Variants in CLVS1 observed in about 807,000 individuals in gnomAD.
The protein encoded by CLVS1 is clavesin-1.
CLVS1 carries 10 observed loss-of-function variants against 33.1 expected under a neutral mutation model. The ratio of observed to expected loss-of-function variants is 0.30; its 90% CI spans 0.19 to 0.51. CLVS1 has a LOEUF of 0.51. Ranked by LOEUF, CLVS1 falls within the 20% of genes least tolerant of loss-of-function variation. The pLI is 0.97. For missense variants in CLVS1, 343 were observed against 433.4 expected, an observed-to-expected ratio of 0.79 and a Z score of 1.85; for synonymous variants, 163 against 166.1, an observed-to-expected ratio of 0.98 and a Z score of 0.14.
the CLVS1 span, among the ~76,000 whole-genome samples, chr8:61,048,925 C>T: frequency 2.0e-5 from 3 of 152,088 alleles, no homozygotes; most frequent in Non-Finnish European, 2.9e-5. Flanking sequence ...TTCCTTTGGT[C>T]CTCTGTCCTG....
the CLVS1 span, among the ~76,000 whole-genome samples, chr8:61,008,243 A>G: frequency 6.6e-6 from 1 of 152,176 alleles, no homozygotes; most frequent in Non-Finnish European, 1.5e-5. Context: ...TTTTTCAACA[A>G]TAATATGGCA....
At chr8:61,177,224 C>T (rs1404601938) in intron 2 of CLVS1, among the ~76,000 whole-genome samples, 2 of 152,180 alleles carry the variant, frequency 1.3e-5, no homozygotes, top group African/African-American at 4.8e-5. Context: ...CAGACTGTGG[C>T]CAGAGTGCCT....
intron 3 of CLVS1, 26 bp from the exon 4 acceptor site, chr8:61,454,115 T>G: frequency 6.7e-7 from 1 of 1,492,180 alleles, no homozygotes; most frequent in Non-Finnish European, 9.4e-7. Flanking sequence ...TACTAATCGG[T>G]GTGCATTTCT....
chr8:61,444,152 T>G (rs895902219), intron 3 of CLVS1, among the ~76,000 whole-genome samples: 5 of 152,190 alleles, frequency 3.3e-5, no homozygotes, highest in Non-Finnish European at 5.9e-5. Flanking sequence ...TTTTTTAATG[T>G]AGACAGTCAT....
intron 1 of CLVS1, among the ~76,000 whole-genome samples, chr8:61,292,757 G>T (rs1810041993): frequency 6.6e-6 from 1 of 152,252 alleles, no homozygotes; most frequent in Non-Finnish European, 1.5e-5. Flanking sequence ...ATACATTGAG[G>T]TGTAAGGTAA....
At chr8:60,971,389 T>C in the CLVS1 span, among the ~76,000 whole-genome samples, 74 of 152,304 alleles carry the variant, frequency 4.9e-4, no homozygotes, top group Middle Eastern at 6.8e-3. Flanking sequence ...TACTTTTCCT[T>C]TTTAATAGCA....
At chr8:61,083,416 G>T (rs1194333085) in intron 1 of CLVS1, among the ~76,000 whole-genome samples, 1 of 152,160 alleles carries the variant, frequency 6.6e-6, no homozygotes, top group East Asian at 1.9e-4. Context: ...AGGAGTTCCA[G>T]GAGTTGTACC....
chr8:61,500,112 C>CAA lies in CLVS1; in HGVS notation c.*572_*573dup, dbSNP rs1453154241. 1 of 152,578 alleles carries CAA rather than the reference C, an allele frequency of 6.6e-6. No homozygotes were observed. Among genetic ancestry groups the CAA allele is most frequent in the African/African-American group, 2.4e-5 (1 of 41,418 alleles). The allele number at this position is 152,578 out of a possible 1,614,324, so 9.5% of individuals were successfully genotyped here. ...ATGTTCTCATAGGTCTGGGTATTTG[C>CAA]AAAGTTTGCTTATTTTGATGATATC... is the stretch of plus-strand genomic sequence containing the variant. On this transcript the variant is annotated 3_prime_UTR_variant, in exon 6 of 6. Transcript: ENST00000325897.
intron 5 of CLVS1, among the ~76,000 whole-genome samples, chr8:61,474,136 C>G (rs1480192276): frequency 2.0e-5 from 3 of 152,110 alleles, no homozygotes; most frequent in African/African-American, 7.2e-5. Flanking sequence ...ATTTGAATGT[C>G]ATACAGCGCA....
chr8:61,139,974 A>G (rs890234061), intron 2 of CLVS1, among the ~76,000 whole-genome samples: 1 of 152,100 alleles, frequency 6.6e-6, no homozygotes, highest in Non-Finnish European at 1.5e-5. Context: ...GCCACGTTCC[A>G]GAGTCTGAAC....
At chr8:61,051,761 T>C in the CLVS1 span, among the ~76,000 whole-genome samples, 1 of 152,240 alleles carries the variant, frequency 6.6e-6, no homozygotes, top group Non-Finnish European at 1.5e-5. Flanking sequence ...TTGCCCTGCT[T>C]GGACCTGGCA....
chr8:61,422,681 A>C (rs1815725612), intron 3 of CLVS1, among the ~76,000 whole-genome samples: 1 of 152,252 alleles, frequency 6.6e-6, no homozygotes, highest in South Asian at 2.1e-4. Flanking sequence ...AATATGGAGG[A>C]AAACAAGTGA....
chr8:61,193,920 A>G (rs1807548624), intron 2 of CLVS1, among the ~76,000 whole-genome samples: 1 of 152,136 alleles, frequency 6.6e-6, no homozygotes, highest in Non-Finnish European at 1.5e-5. Context: ...TCAGTAGCAT[A>G]TAAATTGGAA....
At chr8:61,283,374 G>A (rs920036435), upstream of CLVS1, among the ~76,000 whole-genome samples, 1 of 152,184 alleles carries the variant, frequency 6.6e-6, no homozygotes, top group Non-Finnish European at 1.5e-5. Flanking sequence ...ATACAATGAT[G>A]CAGCATTAGA....
At chr8:61,311,582 G>C (rs566660156) in intron 2 of CLVS1, among the ~76,000 whole-genome samples, 2 of 152,304 alleles carry the variant, frequency 1.3e-5, no homozygotes, top group Admixed American at 1.3e-4. Context: ...CCATTACAGG[G>C]CTCCGAAAAT....
At chr8:61,340,159 G>C (rs1169522214) in intron 2 of CLVS1, among the ~76,000 whole-genome samples, 1 of 152,152 alleles carries the variant, frequency 6.6e-6, no homozygotes, top group Non-Finnish European at 1.5e-5. Flanking sequence ...TAGGAGAGGA[G>C]AAAGTTAACA....
intron 1 of CLVS1, among the ~76,000 whole-genome samples, chr8:61,297,490 G>A (rs1038951279): frequency 4.6e-5 from 7 of 152,164 alleles, no homozygotes; most frequent in South Asian, 2.1e-4. Context: ...GGTTTCTAGC[G>A]TGGGAAACTG....
intron 2 of CLVS1, among the ~76,000 whole-genome samples, chr8:61,314,571 A>G (rs1157745441): frequency 1.3e-5 from 2 of 152,238 alleles, no homozygotes; most frequent in Non-Finnish European, 2.9e-5. Flanking sequence ...CTTGGAATGT[A>G]TTCCGTACTC....
chr8:61,061,768 G>A (rs909949810), intron 1 of CLVS1, among the ~76,000 whole-genome samples: 1 of 151,414 alleles, frequency 6.6e-6, no homozygotes, highest in Non-Finnish European at 1.5e-5. Flanking sequence ...TCTAGTTGCA[G>A]TTACAGAAAA....
Sources: gnomAD v4.1 joint callset for allele counts (sites outside exome capture counted in the v4.1 genomes callset) on GRCh38, gnomAD v4.1.1 for gene constraint, MANE v1.5 for transcripts, NCBI Gene and HGNC (gene_info 2026-07-23, HGNC 2026-07-21) for gene names.